The following PLOD3 variants were observed in gnomAD, a reference collection of about 807,000 sequenced individuals.
The protein encoded by PLOD3 is procollagen-lysine,2-oxoglutarate 5-dioxygenase 3.
A neutral mutation model predicts 96.9 loss-of-function variants in PLOD3; 73 were observed. The observed-to-expected ratio is 0.75, with a 90% CI of 0.62 to 0.92. The LOEUF is 0.92. Ranked by LOEUF, PLOD3 falls within the 40% of genes least tolerant of loss-of-function variation. The pLI is 0.00. For synonymous variants in PLOD3, 454 were observed against 413.7 expected (o/e 1.10, Z -1.18); for missense variants, 1,004 against 1,004.3 (o/e 1.00, Z 0.00).
chr7:101,206,204 C>T lies in PLOD3; in HGVS notation c.*77G>A, dbSNP rs1207291860. On this transcript the variant is annotated 3_prime_UTR_variant, in exon 19 of 19. Transcript: ENST00000223127. ...GAAGTGGGGAGACAGAGAGACCCAT[C>T]CCCCAACTCCCAGGACGGGGGCCAG... 5.0e-6 allele frequency: 7 copies of T among 1,411,154 alleles called. No homozygotes were observed. Among genetic ancestry groups the T allele is most frequent in the Non-Finnish European group, 7.0e-6 (7 of 995,594 alleles). The allele number at this position is 1,411,154 out of a possible 1,614,324, so 87.4% of individuals were successfully genotyped here.
chr7:101,212,710 C>T, intron 8 of PLOD3, 55 bp from the exon 9 acceptor site: 1 of 1,609,092 alleles, frequency 6.2e-7, no homozygotes, highest in South Asian at 1.1e-5. Context: ...CCCTGCTGCC[C>T]CCACCCAACC....
chr7:101,212,690 G>A (rs1266089717), intron 8 of PLOD3, 35 bp from the exon 9 acceptor site: 9 of 1,612,130 alleles, frequency 5.6e-6, no homozygotes, highest in Non-Finnish European at 7.6e-6. Flanking sequence ...TCAGAGAGAA[G>A]CCCGGACTTC....
rs1798197234 is a variant in PLOD3 at position 101,212,374 on chromosome 7, C to T, written c.1006G>A (p.Glu336Lys). Residue 336 changes from glutamate to lysine, a missense_variant and splice_region_variant, in exon 10 of 19, where the codon GAG becomes AAG. Physicochemically the swap from Glu to Lys is moderately conservative, Grantham distance 56. Around this residue, in one of 5 missense-constraint regions of PLOD3, gnomAD observed 690 missense variants for 650.2 expected, o/e 1.06. Transcript: ENST00000223127. ...DRVTLFLHNN[E>K]VFHEPHIADS... ...GCGATGTGGGGTTCATGGAAGACCT[C>T]CTGGGAGGGGAAGACATAGGGGGAT... 2 of 1,613,334 alleles carry T rather than the reference C, an allele frequency of 1.2e-6. No homozygotes were observed. Among genetic ancestry groups the T allele is most frequent in the East Asian group, 2.2e-5 (1 of 44,852 alleles).
In PLOD3 at chr7:101,210,599, T is replaced by C. The variant is rs747434475; in HGVS notation, c.1433A>G (p.Gln478Arg). 2 of 1,614,160 alleles carry C rather than the reference T, an allele frequency of 1.2e-6. No individual in the cohort carries two copies. The highest frequency in any genetic ancestry group is 2.2e-5 in the South Asian group (2 of 91,088). The change falls in exon 13 of 19, where the codon CAG becomes CGG. Residue 478 changes from glutamine to arginine, a missense_variant. Physicochemically the swap from Gln to Arg is conservative, Grantham distance 43 (BLOSUM62 1). Transcript: ENST00000223127. ...GTCACTGCCCGAGAACACATCCCTCTGGGGCAGCTCCATCCGCAGGGTATC... is the reference window on the plus strand; with the variant it reads ...GTCACTGCCCGAGAACACATCCCTCCGGGGCAGCTCCATCCGCAGGGTATC... ...RGDTLRMELPQRDVFSGSDTD... is the reference protein window; with the variant it reads ...RGDTLRMELPRRDVFSGSDTD...
chr7:101,206,942 C>T (rs566584639), intron 17 of PLOD3, 38 bp from the exon 18 acceptor site: 23 of 1,549,610 alleles, frequency 1.5e-5, no homozygotes, highest in Middle Eastern at 3.5e-4. Flanking sequence ...GGGACAGCTG[C>T]GGGCGCAGGG....
chr7:101,206,581 G>A (rs988144592), intron 18 of PLOD3, 145 bp from the exon 19 acceptor site: 54 of 990,648 alleles, frequency 5.5e-5, no homozygotes, highest in African/African-American at 2.7e-4. Context: ...GGCAGACACC[G>A]GAGGCTGGGG....
In PLOD3 at chr7:101,212,888, C is replaced by A; in HGVS notation, c.833G>T (p.Gly278Val). 6.2e-7 allele frequency: 1 copy of A among 1,613,770 alleles called. No individual in the cohort carries two copies. Among genetic ancestry groups the A allele is most frequent in the Admixed American group, 1.7e-5 (1 of 59,978 alleles). ...YVPNGWTPEG[G>V]CGFCNQDRRT... ...CCGGTCCTGGTTGCAGAAGCCACAG[C>A]CTCCCTCAGGAGTCCAGCCATTGGG... is the stretch of plus-strand genomic sequence containing the variant. The change falls in exon 8 of 19, where the codon GGC becomes GTC. Residue 278 changes from glycine (G) to valine (V), a missense_variant. Gly to Val is a moderately radical substitution (Grantham distance 109). Transcript: ENST00000223127.
At chr7:101,206,932 G>A (rs1218354574) in intron 17 of PLOD3, 28 bp from the exon 18 acceptor site, 6 of 1,552,778 alleles carry the variant, frequency 3.9e-6, no homozygotes, top group Non-Finnish European at 5.2e-6. Flanking sequence ...AGAGGCTGCA[G>A]GGACAGCTGC....
At position 101,207,740 on chromosome 7, in the gene PLOD3, A is replaced by T; in HGVS notation, c.1789-16T>A. On this transcript the variant is annotated splice_polypyrimidine_tract_variant and intron_variant, in intron 16 of 18. Coordinates refer to ENST00000223127, the MANE Select transcript of PLOD3 (RefSeq NM_001084.5). ...GCCTTGAATCCTGGGGGCGGCGGGC[A>T]CTGAGCCACCCGCCCCTCCAGCCAT... 2 of 1,612,774 alleles carry T rather than the reference A, an allele frequency of 1.2e-6. No individual in the cohort carries two copies. The highest frequency in any genetic ancestry group is 1.7e-6 in the Non-Finnish European group (2 of 1,179,698).
intron 5 of PLOD3, 135 bp downstream of exon 5, chr7:101,215,773 A>G (rs1798259756): frequency 1.4e-6 from 1 of 706,224 alleles, no homozygotes; most frequent in African/African-American, 1.7e-5. Flanking sequence ...AAAGTCTTGG[A>G]TGACAGGCGT....
At position 101,212,513 on chromosome 7, in the gene PLOD3, CA is replaced by C. The variant is rs1320219397; in HGVS notation, c.1005+16del. On this transcript the variant is annotated intron_variant, in intron 9 of 18. Transcript: ENST00000223127. ...GGAAAGGGTCCCTCAGGAGAGGCTCCAACAGGGGAGTCTCACGTTGTTGTGC... is the reference window on the plus strand; with the variant it reads ...GGAAAGGGTCCCTCAGGAGAGGCTCCACAGGGGAGTCTCACGTTGTTGTGC... The C allele has an allele frequency of 1.2e-6, 2 of 1,613,268 alleles. No homozygotes were observed. Among genetic ancestry groups the C allele is most frequent in the African/African-American group, 2.7e-5 (2 of 74,840 alleles).
At chr7:101,211,568 G>T in intron 12 of PLOD3, 23 bp downstream of exon 12, 1 of 1,595,632 alleles carries the variant, frequency 6.3e-7, no homozygotes, top group Non-Finnish European at 8.5e-7. Context: ...GGAGGCGGGG[G>T]GCTGCAGGCT....
chr7:101,211,033 A>C (rs1249304436), intron 12 of PLOD3: 1 of 284,742 alleles, frequency 3.5e-6, no homozygotes, highest in Non-Finnish European at 6.8e-6. Flanking sequence ...GGTGCCAGCC[A>C]CCATGCCCGG....
In PLOD3 at chr7:101,210,508, G is replaced by A. The variant is rs751509155; in HGVS notation, c.1500+24C>T. The A allele has an allele frequency of 1.3e-5, 21 of 1,613,984 alleles. No homozygotes were observed. The Admixed American group carries it at 3.3e-4, about 26-fold the overall frequency. ...CTGGAGTCTGGGGGACTGCCCCCAG[G>A]CCAGACCGTGCACCCGCGCTCACCT... On this transcript the variant is annotated intron_variant, in intron 13 of 18. Coordinates refer to ENST00000223127, the MANE Select transcript of PLOD3 (RefSeq NM_001084.5).
Position 101,206,838 on chromosome 7 carries a change from G to C in PLOD3, c.2002C>G (p.His668Asp), listed in dbSNP as rs370276858. 1.3e-6 allele frequency: 2 copies of C among 1,573,604 alleles called. No homozygotes were observed. The highest frequency in any genetic ancestry group is 1.7e-6 in the Non-Finnish European group (2 of 1,159,104). The part of the protein sequence containing the change: ...PDEQPSLRPH[H>D]DSSTFTLNVA... Reference sequence around the variant, plus strand: ...TTGAGGGTGAAGGTGGATGAGTCGTGGTGTGGCCGCAGAGACGGCTGCTCG... The same window carrying C: ...TTGAGGGTGAAGGTGGATGAGTCGTCGTGTGGCCGCAGAGACGGCTGCTCG... The change falls in exon 18 of 19, where the codon CAC becomes GAC. Residue 668 changes from histidine (H) to aspartate (D), a missense_variant. His to Asp is a moderately conservative substitution (Grantham distance 81, BLOSUM62 -1). Transcript: ENST00000223127.
intron 12 of PLOD3, 114 bp from the exon 13 acceptor site, chr7:101,210,787 C>G (rs1798169925): frequency 8.7e-7 from 1 of 1,155,058 alleles, no homozygotes. Context: ...CATAAGGCCC[C>G]TGCATGTCCC....
intron 15 of PLOD3, 59 bp downstream of exon 15, chr7:101,210,034 C>A (rs2116799394): frequency 4.1e-6 from 4 of 978,270 alleles, no homozygotes; most frequent in East Asian, 2.6e-5. Context: ...CAGGCGGGGG[C>A]CCCCAAGAGG....
intron 16 of PLOD3, among the ~76,000 whole-genome samples, chr7:101,208,319 C>G (rs760407020): frequency 2.6e-5 from 4 of 152,102 alleles, no homozygotes; most frequent in Non-Finnish European, 4.4e-5. Context: ...AATCTTGGCT[C>G]ACTGCAACCT....
chr7:101,208,918 G>A lies in PLOD3; in HGVS notation c.1723C>T (p.Gln575Ter). Residue 575 changes from glutamine to a stop codon, truncating the protein, a stop_gained, in exon 16 of 19, where the codon CAA becomes TAA. Transcript: ENST00000223127. LOFTEE classifies it high-confidence loss of function. ...DVYWFPLLSE[Q>*]MCDELVAEME... Reference sequence around the variant, plus strand: ...TCTGCCACCAGCTCATCACACATTTGTTCTGACAGCAGTGGGAACCAGTAC... The same window carrying A: ...TCTGCCACCAGCTCATCACACATTTATTCTGACAGCAGTGGGAACCAGTAC... The A allele has an allele frequency of 6.2e-7, 1 of 1,613,978 alleles. No homozygotes were observed. Among genetic ancestry groups the A allele is most frequent in the Non-Finnish European group, 8.5e-7 (1 of 1,179,866 alleles).
Sources: allele counts gnomAD v4.1 joint callset (sites outside exome capture counted in the v4.1 genomes callset), GRCh38; gene constraint gnomAD v4.1.1; regional missense constraint gnomAD v4.1.1; transcripts MANE v1.5; gene names NCBI Gene and HGNC (gene_info 2026-07-23, HGNC 2026-07-21).